CNTN1: variants seen among roughly 807,000 people sequenced by gnomAD.
The protein encoded by CNTN1 is contactin 1.
Under a neutral mutation model 126.4 loss-of-function variants are expected in CNTN1, and 38 were observed. That is an observed-to-expected ratio of 0.30 (90% CI 0.23 to 0.39). CNTN1 has a LOEUF of 0.39. CNTN1 is among the 10% of genes least tolerant of loss of function. The probability of loss-of-function intolerance (pLI) is 1.00; values close to 1 mark genes in which losing one functional copy is unlikely to be tolerated. For missense variants in CNTN1, 1,009 were observed against 1,248.4 expected (o/e 0.81, Z 2.89); for synonymous variants, 413 against 422.6 (o/e 0.98, Z 0.28).
chr12:40,868,364 C>T (rs879371192), intron 1 of CNTN1, among the ~76,000 whole-genome samples: 17 of 151,984 alleles, frequency 1.1e-4, no homozygotes, highest in Non-Finnish European at 2.5e-4. Flanking sequence ...GTCTGTTAAA[C>T]GGGATTACAG....
intron 1 of CNTN1, among the ~76,000 whole-genome samples, chr12:40,762,649 A>T (rs1180654927): frequency 6.6e-6 from 1 of 152,174 alleles, no homozygotes; most frequent in Non-Finnish European, 1.5e-5. Flanking sequence ...CTTGTGTCCT[A>T]GCAGCTGGGT....
intron 15 of CNTN1, among the ~76,000 whole-genome samples, chr12:40,970,293 C>T (rs934370792): frequency 6.6e-6 from 1 of 151,062 alleles, no homozygotes; most frequent in African/African-American, 2.4e-5. Flanking sequence ...GGTAAAATAC[C>T]AAAAACTACC....
At chr12:40,766,183 C>A (rs1939078472) in intron 1 of CNTN1, among the ~76,000 whole-genome samples, 2 of 151,976 alleles carry the variant, frequency 1.3e-5, no homozygotes, top group Admixed American at 6.6e-5. Context: ...CATGGCGAAA[C>A]CCCATCTCTA....
intron 1 of CNTN1, among the ~76,000 whole-genome samples, chr12:40,889,222 C>G (rs901135952): frequency 3.9e-5 from 6 of 152,126 alleles, no homozygotes; most frequent in African/African-American, 1.4e-4. Flanking sequence ...AATCACTGCT[C>G]TTTATTAACT....
intron 17 of CNTN1, 136 bp from the exon 18 acceptor site, chr12:41,014,092 C>A (rs1948727010): frequency 6.8e-6 from 5 of 735,720 alleles, no homozygotes; most frequent in Non-Finnish European, 9.4e-6. Flanking sequence ...TTGAGTGGAT[C>A]ATTTGTCCAG....
chr12:40,863,850 T>C (rs1359888559), intron 1 of CNTN1, among the ~76,000 whole-genome samples: 3 of 151,822 alleles, frequency 2.0e-5, no homozygotes, highest in South Asian at 2.1e-4. Context: ...GCCAAAGAGA[T>C]TGGGGATTGC....
At chr12:40,979,194 T>A (rs191230276) in intron 15 of CNTN1, 2 of 152,324 alleles carry the variant, frequency 1.3e-5, no homozygotes, top group Admixed American at 1.3e-4. Flanking sequence ...AAAGTTCGCT[T>A]GCTTTTCTTA....
At chr12:40,879,323 C>T (rs1375767749) in intron 1 of CNTN1, among the ~76,000 whole-genome samples, 1 of 152,114 alleles carries the variant, frequency 6.6e-6, no homozygotes, top group African/African-American at 2.4e-5. Context: ...AATATTCTTC[C>T]TACAGTTAAG....
In CNTN1 at chr12:40,890,533, A is replaced by G. The variant is rs559513374; in HGVS notation, c.-76-17824A>G. Among the ~76,000 whole-genome samples, 69 of 152,194 alleles carry G rather than the reference A, an allele frequency of 4.5e-4. 1 individual carries two copies. Among genetic ancestry groups the G allele is most frequent in the African/African-American group, 1.7e-3 (69 of 41,542 alleles). The stretch of plus-strand genomic sequence containing the variant: ...TTCTCCCTCCTTGCTAACCCCTAGG[A>G]AACACTGATTATTTTACTGTCTCTG... On this transcript the variant is annotated intron_variant, in intron 1 of 23. Coordinates refer to ENST00000551295, the MANE Select transcript of CNTN1 (RefSeq NM_001843.4).
At chr12:40,703,239 T>C (rs1941646299) in intron 1 of CNTN1, among the ~76,000 whole-genome samples, 1 of 152,162 alleles carries the variant, frequency 6.6e-6, no homozygotes. Flanking sequence ...AGCTGTGTGC[T>C]AAAGAGATCA....
chr12:40,731,112 G>A (rs1942488971), intron 1 of CNTN1, among the ~76,000 whole-genome samples: 1 of 151,788 alleles, frequency 6.6e-6, no homozygotes, highest in Admixed American at 6.6e-5. Context: ...TTAAAAATTG[G>A]GATAAAAATG....
intron 1 of CNTN1, among the ~76,000 whole-genome samples, chr12:40,710,702 A>G (rs1012992694): frequency 6.6e-6 from 1 of 152,196 alleles, no homozygotes; most frequent in African/African-American, 2.4e-5. Flanking sequence ...GTATTCATTT[A>G]AGATATTTTT....
At chr12:40,743,672 T>C (rs1938044808) in intron 1 of CNTN1, among the ~76,000 whole-genome samples, 1 of 152,070 alleles carries the variant, frequency 6.6e-6, no homozygotes, top group Non-Finnish European at 1.5e-5. Context: ...TTGTAAATTT[T>C]TTTAAGCTCC....
chr12:40,825,517 G>A (rs1331830660), intron 1 of CNTN1, among the ~76,000 whole-genome samples: 1 of 152,082 alleles, frequency 6.6e-6, no homozygotes, highest in South Asian at 2.1e-4. Context: ...AAAGCCTCTT[G>A]ATCTGCAAAG....
At chr12:40,975,178 T>TA in intron 15 of CNTN1, among the ~76,000 whole-genome samples, 1 of 48,676 alleles carries the variant, frequency 2.1e-5, no homozygotes, top group South Asian at 6.4e-4. Flanking sequence ...GTAAAATGGA[T>TA]TATATATATA....
At chr12:40,759,234 G>T (rs1938736796) in intron 1 of CNTN1, among the ~76,000 whole-genome samples, 1 of 151,962 alleles carries the variant, frequency 6.6e-6, no homozygotes, top group Admixed American at 6.6e-5. Context: ...AAAAGTTCCT[G>T]CTCAGTTTCC....
At chr12:40,783,175 C>T (rs1939872001) in intron 1 of CNTN1, among the ~76,000 whole-genome samples, 1 of 151,788 alleles carries the variant, frequency 6.6e-6, no homozygotes, top group African/African-American at 2.4e-5. Context: ...AGAATAGAGT[C>T]AAAGATTGAG....
intron 1 of CNTN1, among the ~76,000 whole-genome samples, chr12:40,740,363 AC>A (rs2136380154): frequency 6.6e-6 from 1 of 152,162 alleles, no homozygotes; most frequent in Non-Finnish European, 1.5e-5. Context: ...GATTTATGTC[AC>A]CTTTCTTCTG....
intron 23 of CNTN1, among the ~76,000 whole-genome samples, chr12:41,059,913 C>G (rs375350191): frequency 3.4e-4 from 51 of 152,120 alleles, no homozygotes; most frequent in Middle Eastern, 3.4e-3. Flanking sequence ...CTAATCCCAT[C>G]TACTCAGAAG....
Sources: allele counts gnomAD v4.1 joint callset (sites outside exome capture counted in the v4.1 genomes callset), GRCh38; gene constraint gnomAD v4.1.1; transcripts MANE v1.5; gene names NCBI Gene and HGNC (gene_info 2026-07-23, HGNC 2026-07-21).